PDZRN4: variants seen among roughly 807,000 people sequenced by gnomAD.
PDZRN4 encodes the protein PDZ domain-containing RING finger protein 4.
In PDZRN4, 70 loss-of-function variants were observed where a neutral mutation model predicts 99.0. The ratio of observed to expected loss-of-function variants is 0.71; its 90% CI spans 0.58 to 0.86. The LOEUF (loss-of-function observed/expected upper bound fraction) is 0.86. Ranked by LOEUF, PDZRN4 falls within the 40% of genes least tolerant of loss-of-function variation. The pLI is 0.00. For synonymous variants in PDZRN4, 551 were observed against 501.6 expected (o/e 1.10, Z -1.32); for missense variants, 1,474 against 1,331.2 (o/e 1.11, Z -1.67).
chr12:41,456,102 C>T (rs1952814688), intron 3 of PDZRN4, among the ~76,000 whole-genome samples: 1 of 152,174 alleles, frequency 6.6e-6, no homozygotes, highest in Non-Finnish European at 1.5e-5. Flanking sequence ...TCTTTGCTTC[C>T]AGTCTCTAAG....
chr12:41,555,791 C>G, intron 7 of PDZRN4, 31 bp downstream of exon 7: 1 of 1,509,140 alleles, frequency 6.6e-7, no homozygotes, highest in Admixed American at 1.7e-5. Flanking sequence ...CTTTAGTTCC[C>G]CACGATCTGT....
intron 5 of PDZRN4, among the ~76,000 whole-genome samples, chr12:41,516,447 A>C (rs140141561): frequency 0.011 from 1,681 of 152,218 alleles, 116 homozygotes; most frequent in Admixed American, 0.099. Flanking sequence ...AGAGGAGAAG[A>C]AGGCTGATGG....
chr12:41,345,722 T>TA (rs543721774), intron 3 of PDZRN4, among the ~76,000 whole-genome samples: 30 of 152,174 alleles, frequency 2.0e-4, no homozygotes, highest in Non-Finnish European at 3.7e-4. Flanking sequence ...TGGGGATGCA[T>TA]ACACCTTTCT....
At chr12:41,461,859 C>G (rs1208755726) in intron 3 of PDZRN4, among the ~76,000 whole-genome samples, 1 of 152,090 alleles carries the variant, frequency 6.6e-6, no homozygotes, top group Non-Finnish European at 1.5e-5. Flanking sequence ...GCATGCCTGT[C>G]TTTCTCCTCT....
At chr12:41,487,875 T>C (rs1364871145) in intron 3 of PDZRN4, among the ~76,000 whole-genome samples, 1 of 152,230 alleles carries the variant, frequency 6.6e-6, no homozygotes, top group Non-Finnish European at 1.5e-5. Flanking sequence ...CTTAAGAAAG[T>C]AGTTCTTCAT....
intron 5 of PDZRN4, among the ~76,000 whole-genome samples, chr12:41,534,011 A>C (rs923550765): frequency 6.6e-6 from 1 of 152,186 alleles, no homozygotes; most frequent in Non-Finnish European, 1.5e-5. Flanking sequence ...TTTGAGTTTA[A>C]CAATTTCAAA....
At chr12:41,275,529 G>A (rs899330107) in intron 3 of PDZRN4, among the ~76,000 whole-genome samples, 25 of 152,104 alleles carry the variant, frequency 1.6e-4, no homozygotes, top group Non-Finnish European at 7.4e-5. Flanking sequence ...TGGAGTGACA[G>A]GGGAGGCAGG....
At chr12:41,429,019 A>G (rs925036266) in intron 3 of PDZRN4, among the ~76,000 whole-genome samples, 1 of 152,178 alleles carries the variant, frequency 6.6e-6, no homozygotes, top group Non-Finnish European at 1.5e-5. Flanking sequence ...AGAAACAGTT[A>G]TGGGGGAAAA....
chr12:41,403,439 G>A (rs1246564463), intron 3 of PDZRN4, among the ~76,000 whole-genome samples: 2 of 152,148 alleles, frequency 1.3e-5, no homozygotes, highest in Admixed American at 6.6e-5. Context: ...CATCGGGAAC[G>A]TGAGAGATGG....
chr12:41,342,359 A>G (rs1951824691), intron 3 of PDZRN4, among the ~76,000 whole-genome samples: 2 of 151,880 alleles, frequency 1.3e-5, no homozygotes, highest in South Asian at 2.1e-4. Flanking sequence ...TGGGATTACA[A>G]CAAACTAAAA....
intron 3 of PDZRN4, among the ~76,000 whole-genome samples, chr12:41,398,733 T>C (rs1952268127): frequency 6.6e-6 from 1 of 152,280 alleles, no homozygotes; most frequent in Non-Finnish European, 1.5e-5. Flanking sequence ...AATTCAAAGA[T>C]ACAGCTTTCT....
chr12:41,399,725 A>C (rs1952276234), intron 3 of PDZRN4, among the ~76,000 whole-genome samples: 1 of 148,846 alleles, frequency 6.7e-6, no homozygotes, highest in Non-Finnish European at 1.5e-5. Context: ...AACAAGAGTG[A>C]AACTTTGTCT....
chr12:41,223,109 A>G (rs997547479), intron 3 of PDZRN4, among the ~76,000 whole-genome samples: 4 of 152,174 alleles, frequency 2.6e-5, no homozygotes, highest in South Asian at 2.1e-4. Context: ...AAGAATGGGT[A>G]AGGCTTACAC....
intron 3 of PDZRN4, among the ~76,000 whole-genome samples, chr12:41,430,947 C>A (rs768561632): frequency 6.6e-6 from 1 of 152,112 alleles, no homozygotes; most frequent in South Asian, 2.1e-4. Flanking sequence ...ATGGTGAGAG[C>A]AGGAGCAAGA....
intron 3 of PDZRN4, among the ~76,000 whole-genome samples, chr12:41,313,464 T>A (rs1448595575): frequency 6.6e-6 from 1 of 152,182 alleles, no homozygotes; most frequent in East Asian, 1.9e-4. Context: ...ACTGGTACTA[T>A]TGGAAAGACC....
chr12:41,522,610 G>A (rs285574), intron 5 of PDZRN4, among the ~76,000 whole-genome samples: 56,960 of 151,870 alleles, frequency 0.38, 11,076 homozygotes, highest in African/African-American at 0.49. Context: ...TGGACTGGCC[G>A]TTTTATATGC....
chr12:41,268,777 C>A (rs777949495), intron 3 of PDZRN4, among the ~76,000 whole-genome samples: 2 of 152,060 alleles, frequency 1.3e-5, no homozygotes, highest in African/African-American at 4.8e-5. Context: ...TAATGGAGTA[C>A]CTTTCATTTG....
At chr12:41,328,954 C>T (rs576674362) in intron 3 of PDZRN4, among the ~76,000 whole-genome samples, 2 of 152,118 alleles carry the variant, frequency 1.3e-5, no homozygotes, top group Admixed American at 6.6e-5. Flanking sequence ...ACAGAGTTCA[C>T]TAATGCCTTT....
intron 5 of PDZRN4, among the ~76,000 whole-genome samples, chr12:41,517,448 T>A (rs910696200): frequency 7.2e-5 from 11 of 152,098 alleles, no homozygotes; most frequent in Admixed American, 1.3e-4. Flanking sequence ...CAGTGACTTC[T>A]ATTCTGCTTT....
Sources: gnomAD v4.1 joint callset for allele counts (sites outside exome capture counted in the v4.1 genomes callset) on GRCh38, gnomAD v4.1.1 for gene constraint, MANE v1.5 for transcripts, NCBI Gene and HGNC (gene_info 2026-07-23, HGNC 2026-07-21) for gene names.